The following MYO15A variants were observed in gnomAD, a reference collection of about 807,000 sequenced individuals.
The protein encoded by MYO15A is unconventional myosin-XV.
In MYO15A, 308 loss-of-function variants were observed where a neutral mutation model predicts 394.6. The observed-to-expected ratio is 0.78, with a 90% CI of 0.71 to 0.86. MYO15A has a LOEUF of 0.86. Among genes scored for constraint, MYO15A ranks in the 40% least tolerant of loss-of-function variants. MYO15A has a pLI of 0.00. For synonymous variants in MYO15A, 1,957 were observed against 2,003.8 expected (o/e 0.98, Z 0.62); for missense variants, 4,606 against 4,799.1 (o/e 0.96, Z 1.19).
At chr17:18,173,678 G>A in intron 64 of MYO15A, 103 bp from the exon 65 acceptor site, 3 of 1,504,656 alleles carry the variant, frequency 2.0e-6, no homozygotes, top group Non-Finnish European at 2.8e-6. Flanking sequence ...GAACTGGAGT[G>A]AGTCTCCTGC....
In MYO15A at chr17:18,156,953, G is replaced by A. The variant is rs755447825; in HGVS notation, c.8602-1G>A. ...CCTCACCCTGCCTCTGGCTGACCCAGGACTCTGACTACGTGGTCGCTGTGA... is the reference window on the plus strand; with the variant it reads ...CCTCACCCTGCCTCTGGCTGACCCAAGACTCTGACTACGTGGTCGCTGTGA... On this transcript the variant is annotated splice_acceptor_variant, in intron 48 of 65. Coordinates refer to ENST00000647165, the MANE Select transcript of MYO15A (RefSeq NM_016239.4). LOFTEE classifies it high-confidence loss of function. 2 of 1,614,078 alleles carry A rather than the reference G, an allele frequency of 1.2e-6. No homozygotes were observed. Among genetic ancestry groups the A allele is most frequent in the Non-Finnish European group, 1.7e-6 (2 of 1,179,950 alleles).
chr17:18,163,932 C>A lies in MYO15A; in HGVS notation c.9787+94C>A, dbSNP rs77932012. Reference sequence around the variant, plus strand: ...TCCACCCAGATTTTAGGGCCCAAGTCAGGTGCCACTTCCTCCAGGAAGCCC... The same window carrying A: ...TCCACCCAGATTTTAGGGCCCAAGTAAGGTGCCACTTCCTCCAGGAAGCCC... On this transcript the variant is annotated intron_variant, in intron 60 of 65. Coordinates refer to ENST00000647165, the MANE Select transcript of MYO15A (RefSeq NM_016239.4). The A allele has an allele frequency of 8.2e-3, 10,533 of 1,282,530 alleles. 59 individuals are homozygous for A. Among genetic ancestry groups the A allele is most frequent in the Middle Eastern group, 1.0e-2 (51 of 5,104 alleles). 79.4% of individuals were successfully genotyped at this position (1,282,530 alleles called of 1,614,324 possible).
Position 18,121,635 on chromosome 17 carries a change from A to T in MYO15A, c.2835A>T (p.Gly945=). 1.6e-6 allele frequency: 2 copies of T among 1,241,182 alleles called. No individual in the cohort carries two copies. Among genetic ancestry groups the T allele is most frequent in the Non-Finnish European group, 2.2e-6 (2 of 922,862 alleles). The allele number at this position is 1,241,182 out of a possible 1,614,324, so 76.9% of individuals were successfully genotyped here. A position where few individuals can be genotyped will look rare whatever the true frequency, so the allele number is the denominator to read the frequency against. The stretch of plus-strand genomic sequence containing the variant: ...AACGCCCACCCTCCCCCTGGCCAGG[A>T]GGTGCAGGCAGCCGCCGAGGCTTTT... ...PTQRPPSPWP[G]GAGSRRGFSR... Residue 945 remains glycine (G), a synonymous_variant, in exon 2 of 66, where the codon GGA becomes GGT. Transcript: ENST00000647165. The surrounding 1 kb of genome is among the most constrained non-coding windows in gnomAD (Gnocchi z 5.3).
At chr17:18,142,337 C>A in intron 24 of MYO15A, 83 bp downstream of exon 24, 1 of 1,487,278 alleles carries the variant, frequency 6.7e-7, no homozygotes, top group South Asian at 1.2e-5. Flanking sequence ...GTGGTGAGCT[C>A]CCTATCCCTG....
At chr17:18,163,624 C>T (rs915910352) in intron 59 of MYO15A, 118 bp from the exon 60 acceptor site, 50 of 921,490 alleles carry the variant, frequency 5.4e-5, no homozygotes, top group African/African-American at 2.0e-4. Flanking sequence ...GAGGATTGTG[C>T]GCCTTTGTGA....
chr17:18,119,276 G>C lies in MYO15A; in HGVS notation c.476G>C (p.Trp159Ser). 6.2e-7 allele frequency: 1 copy of C among 1,612,090 alleles called. No homozygotes were observed. The highest frequency in any genetic ancestry group is 2.2e-5 in the East Asian group (1 of 44,856). The change falls in exon 2 of 66, where the codon TGG becomes TCG. Residue 159 changes from tryptophan to serine, a missense_variant. By Grantham distance (177) the Trp-to-Ser change is radical (BLOSUM62 -3). This residue lies in a region of MYO15A where 1,830 missense variants were observed against 1,689.7 expected (regional missense o/e 1.08). Coordinates refer to ENST00000647165, the MANE Select transcript of MYO15A (RefSeq NM_016239.4). ...SGSEQATVDA[W>S]LQRSSSRMGS... ...AGCGAACAGGCCACAGTGGACGCCT[G>C]GCTGCAGCGCTCGAGCTCCCGCATG...
chr17:18,127,233 C>T (rs528172739), intron 7 of MYO15A, 68 bp downstream of exon 7: 62 of 1,562,566 alleles, frequency 4.0e-5, no homozygotes, highest in Admixed American at 7.1e-5. Flanking sequence ...CATGTACTCC[C>T]GAAGAGGCAA....
At chr17:18,122,545 T>G (rs1435607884) in intron 2 of MYO15A, 136 bp downstream of exon 2, 2 of 1,347,000 alleles carry the variant, frequency 1.5e-6, no homozygotes, top group African/African-American at 2.9e-5. Flanking sequence ...GTCTGTAAGT[T>G]GGGGAGAACA....
chr17:18,130,130 C>T (rs1473612642), intron 7 of MYO15A, among the ~76,000 whole-genome samples: 6 of 152,188 alleles, frequency 3.9e-5, no homozygotes, highest in Admixed American at 1.3e-4. Context: ...CTGCCCACCT[C>T]GGCCTCCCAA....
chr17:18,167,944 G>A (rs549056772), intron 62 of MYO15A, among the ~76,000 whole-genome samples: 7 of 152,202 alleles, frequency 4.6e-5, no homozygotes, highest in Non-Finnish European at 1.0e-4. Flanking sequence ...GCTTCTGGCT[G>A]GTATTATTAG....
At chr17:18,134,392 T>C (rs2142311084) in intron 12 of MYO15A, among the ~76,000 whole-genome samples, 1 of 152,374 alleles carries the variant, frequency 6.6e-6, no homozygotes, top group Admixed American at 6.5e-5. Flanking sequence ...TTAAACTTTT[T>C]CATTTTTGGA....
In MYO15A at chr17:18,148,179, C is replaced by A. The variant is rs774603815; in HGVS notation, c.6660C>A (p.Ala2220=). ...QLEWTATYEK[A]SMALDVGCFN... ...AGTGGACAGCGACCTATGAGAAGGC[C>A]AGCATGGCGCTGGACGTGGGCTGCT... Residue 2220 remains alanine (A), a synonymous_variant, in exon 31 of 66, where the codon GCC becomes GCA. Coordinates refer to ENST00000647165, the MANE Select transcript of MYO15A (RefSeq NM_016239.4). This position sits in a 1 kb window ranked among gnomAD's most constrained non-coding sequence, Gnocchi z 4.8. The A allele has an allele frequency of 6.2e-7, 1 of 1,613,662 alleles. No individual in the cohort carries two copies. Among genetic ancestry groups the A allele is most frequent in the Non-Finnish European group, 8.5e-7 (1 of 1,180,038 alleles).
chr17:18,125,463 G>A, intron 4 of MYO15A: 1 of 542,976 alleles, frequency 1.8e-6, no homozygotes, highest in Non-Finnish European at 3.3e-6. Context: ...GGGAGACCGA[G>A]GCAGGTGGAT....
At chr17:18,157,931 G>GGGGGGGCC in intron 51 of MYO15A, 31 bp downstream of exon 51, 4 of 412,700 alleles carry the variant, frequency 9.7e-6, no homozygotes, top group Non-Finnish European at 1.8e-5. Context: ...GTGGGGCGGG[G>GGGGGGGCC]TAGACCAGGG....
chr17:18,159,467 T>C, intron 54 of MYO15A, 120 bp downstream of exon 54: 1 of 1,479,518 alleles, frequency 6.8e-7, no homozygotes, highest in Non-Finnish European at 9.4e-7. Flanking sequence ...AGCTCAGACA[T>C]GGAACACATT....
At chr17:18,164,075 C>T in intron 60 of MYO15A, 1 of 571,062 alleles carries the variant, frequency 1.8e-6, no homozygotes, top group South Asian at 1.9e-5. Flanking sequence ...CTCATCCCTC[C>T]CTTTGTCCCT....
At chr17:18,168,177 A>C (rs1259516563) in intron 62 of MYO15A, among the ~76,000 whole-genome samples, 2 of 152,036 alleles carry the variant, frequency 1.3e-5, no homozygotes, top group African/African-American at 4.8e-5. Context: ...TTAATTATTG[A>C]TTTTCTCTTT....
In MYO15A at chr17:18,148,493, C is replaced by T. The variant is rs2046519635; in HGVS notation, c.6692-3C>T. 2 of 1,552,190 alleles carry T rather than the reference C, an allele frequency of 1.3e-6. No individual in the cohort carries two copies. Among genetic ancestry groups the T allele is most frequent in the Non-Finnish European group, 8.7e-7 (1 of 1,147,264 alleles). On this transcript the variant is annotated splice_polypyrimidine_tract_variant and splice_region_variant and intron_variant, in intron 31 of 65. Transcript: ENST00000647165. This position sits in a 1 kb window ranked among gnomAD's most constrained non-coding sequence, Gnocchi z 4.8. The stretch of plus-strand genomic sequence containing the variant: ...CCTGAGCCCGGCACCTGCTGCGCCC[C>T]AGGTGACCAGTTCTCCTGCCCGGTG...
intron 33 of MYO15A, 58 bp from the exon 34 acceptor site, chr17:18,149,158 T>G: frequency 6.2e-7 from 1 of 1,606,276 alleles, no homozygotes; most frequent in Non-Finnish European, 8.5e-7. Flanking sequence ...AGAAGAAAAT[T>G]TGGGGGATTC....
Sources: allele counts gnomAD v4.1 joint callset (sites outside exome capture counted in the v4.1 genomes callset), GRCh38; gene constraint gnomAD v4.1.1; regional missense constraint gnomAD v4.1.1; non-coding constraint Gnocchi (gnomAD v3.1); transcripts MANE v1.5; gene names NCBI Gene and HGNC (gene_info 2026-07-23, HGNC 2026-07-21).